Variants in MTERF4 observed in about 807,000 individuals in gnomAD.
The protein encoded by MTERF4 is transcription termination factor 4, mitochondrial.
Under a neutral mutation model 22.5 loss-of-function variants are expected in MTERF4, and 17 were observed. That is an observed-to-expected ratio of 0.75 (90% CI 0.52 to 1.13). MTERF4 has a LOEUF of 1.13. Ranked by LOEUF, MTERF4 falls within the 50% of genes most tolerant of loss-of-function variation. The probability of loss-of-function intolerance (pLI) is 0.00; values close to 1 mark genes in which losing one functional copy is unlikely to be tolerated. For synonymous variants in MTERF4, 165 were observed against 175.3 expected (o/e 0.94, Z 0.47); for missense variants, 420 against 466.8 (o/e 0.90, Z 0.92).
chr2:241,053,355 A>G, the MTERF4 span: 2 of 1,537,246 alleles, frequency 1.3e-6, no homozygotes, highest in African/African-American at 1.4e-5. Flanking sequence ...GGGGTGGGGC[A>G]GGTGGGGCCC....
chr2:241,072,158 G>A (rs1202832065), downstream of MTERF4: 1 of 670,372 alleles, frequency 1.5e-6, no homozygotes, highest in Non-Finnish European at 2.7e-6. Flanking sequence ...AAACATTTTA[G>A]AAGCAGGTCT....
At chr2:241,063,825 C>G in the MTERF4 span, 17 of 708,858 alleles carry the variant, frequency 2.4e-5, no homozygotes, top group Non-Finnish European at 3.6e-5. Context: ...CCCAGGGCTG[C>G]GGCCACCTTG....
the MTERF4 span, chr2:241,051,979 G>T: frequency 6.5e-7 from 1 of 1,528,510 alleles, no homozygotes; most frequent in East Asian, 2.3e-5. This position sits in a 1 kb window ranked among gnomAD's most constrained non-coding sequence, Gnocchi z 4.7. Context: ...CCCCAGCTCT[G>T]GGATGTTGGG....
downstream of MTERF4, chr2:241,087,494 C>G (rs755416066): frequency 1.3e-6 from 2 of 1,589,152 alleles, no homozygotes; most frequent in Admixed American, 3.5e-5. Flanking sequence ...GGGGAGCAGG[C>G]CCATGCCGTG....
chr2:241,072,046 C>A (rs567575081), downstream of MTERF4: 1 of 717,732 alleles, frequency 1.4e-6, no homozygotes, highest in Non-Finnish European at 2.5e-6. Context: ...CGTGGGCCGC[C>A]GGCAGCATGC....
At chr2:241,059,818 G>C in the MTERF4 span, among the ~76,000 whole-genome samples, 1 of 152,158 alleles carries the variant, frequency 6.6e-6, no homozygotes. Context: ...AGTGTACTCA[G>C]TGGTGAAAGA....
chr2:241,064,587 T>A, the MTERF4 span, among the ~76,000 whole-genome samples: 1 of 152,174 alleles, frequency 6.6e-6, no homozygotes, highest in Non-Finnish European at 1.5e-5. This position sits in a 1 kb window ranked among gnomAD's most constrained non-coding sequence, Gnocchi z 7.0. Context: ...TGGTGGCCTG[T>A]CCTGTCCTGA....
downstream of MTERF4, chr2:241,093,455 AG>A: frequency 1.5e-5 from 2 of 136,326 alleles, no homozygotes; most frequent in Non-Finnish European, 3.0e-5. Flanking sequence ...GTGTTAGCTT[AG>A]AAGCCTTGTG....
At chr2:241,048,312 CAGG>C in the MTERF4 span, 1 of 1,595,092 alleles carries the variant, frequency 6.3e-7, no homozygotes, top group Non-Finnish European at 8.5e-7. Context: ...GTCTTTCTTG[CAGG>C]AGACCATCCA....
downstream of MTERF4, chr2:241,094,637 T>C: frequency 5.8e-6 from 2 of 342,522 alleles, no homozygotes; most frequent in South Asian, 4.5e-5. The surrounding 1 kb of genome is among the most constrained non-coding windows in gnomAD (Gnocchi z 4.3). Context: ...ATTACTGTTG[T>C]GGACCAGGCC....
chr2:241,068,889 C>G (rs2062582602), downstream of MTERF4: 2 of 1,507,356 alleles, frequency 1.3e-6, no homozygotes, highest in Non-Finnish European at 1.8e-6. The surrounding 1 kb of genome is among the most constrained non-coding windows in gnomAD (Gnocchi z 5.3). Context: ...CCTGTTCTCT[C>G]TTTGTCACCT....
chr2:241,065,672 G>T, the MTERF4 span: 49 of 1,312,160 alleles, frequency 3.7e-5, no homozygotes, highest in Non-Finnish European at 4.7e-5. Context: ...CACCTGCAGG[G>T]CGGCTGTCAT....
chr2:241,064,968 A>G, the MTERF4 span: 164 of 1,560,450 alleles, frequency 1.1e-4, no homozygotes, highest in East Asian at 2.9e-3. This position sits in a 1 kb window ranked among gnomAD's most constrained non-coding sequence, Gnocchi z 7.0. Context: ...GTGGGTGGCG[A>G]GGGCGCCTCC....
intron 4 of MTERF4, among the ~76,000 whole-genome samples, chr2:241,077,964 G>T (rs6437233): frequency 6.6e-6 from 1 of 151,968 alleles, no homozygotes; most frequent in Admixed American, 6.6e-5. Flanking sequence ...CCCAGTAATT[G>T]CACTCCTAGG....
intron 1 of MTERF4, among the ~76,000 whole-genome samples, chr2:241,100,584 C>A (rs2064659039): frequency 2.0e-5 from 3 of 152,146 alleles, no homozygotes; most frequent in Admixed American, 6.5e-5. Flanking sequence ...CCCACCTCAG[C>A]CTTCTGAGTA....
At chr2:241,066,263 G>A in the MTERF4 span, among the ~76,000 whole-genome samples, 9,722 of 152,190 alleles carry the variant, frequency 0.064, 1,007 homozygotes, top group African/African-American at 0.22. Context: ...TTGCCGTGTC[G>A]GGGAGCAGAA....
downstream of MTERF4, chr2:241,090,480 C>T (rs141078921): frequency 1.0e-4 from 153 of 1,510,154 alleles, no homozygotes; most frequent in African/African-American, 1.7e-3. Context: ...ATAGTAAATA[C>T]GTAAACCAGT....
At chr2:241,051,928 C>A in the MTERF4 span, 3 of 1,470,140 alleles carry the variant, frequency 2.0e-6, no homozygotes, top group South Asian at 1.3e-5. This position sits in a 1 kb window ranked among gnomAD's most constrained non-coding sequence, Gnocchi z 4.7. Context: ...GCCCCTGATG[C>A]ACCCTCCCTG....
chr2:241,049,234 C>A, the MTERF4 span: 1 of 866,072 alleles, frequency 1.2e-6, no homozygotes, highest in Non-Finnish European at 1.8e-6. Context: ...TCCCTACTTC[C>A]CTTCTGACTC....
Sources: allele counts gnomAD v4.1 joint callset (sites outside exome capture counted in the v4.1 genomes callset), GRCh38; gene constraint gnomAD v4.1.1; non-coding constraint Gnocchi (gnomAD v3.1); transcripts MANE v1.5; gene names NCBI Gene and HGNC (gene_info 2026-07-23, HGNC 2026-07-21).